Variants in SLC5A2 observed in about 807,000 individuals in gnomAD.
The protein encoded by SLC5A2 is solute carrier family 5 member 2, also known as sodium/glucose cotransporter 2.
Under a neutral mutation model 69.0 loss-of-function variants are expected in SLC5A2, and 67 were observed. The observed-to-expected ratio is 0.97, with a 90% CI of 0.80 to 1.19. The LOEUF (loss-of-function observed/expected upper bound fraction) is 1.19, where lower values mean the gene tolerates loss of function less well. SLC5A2 is among the 50% of genes most tolerant of loss of function. SLC5A2 has a pLI of 0.00. For missense variants in SLC5A2, 1,001 were observed against 921.5 expected, an observed-to-expected ratio of 1.09 and a Z score of -1.12; for synonymous variants, 455 against 395.8, an observed-to-expected ratio of 1.15 and a Z score of -1.78.
Position 31,488,033 on chromosome 16 carries a change from C to A in SLC5A2, c.886-5C>A. On this transcript the variant is annotated splice_region_variant and splice_polypyrimidine_tract_variant and intron_variant, in intron 7 of 13. Coordinates refer to ENST00000330498, the MANE Select transcript of SLC5A2 (RefSeq NM_003041.4). ...CAAGCGGGCAGCTGAACGCCCCTCCCGTAGGTCATCGTGCAGCGCTGCCTG... is the reference window on the plus strand; with the variant it reads ...CAAGCGGGCAGCTGAACGCCCCTCCAGTAGGTCATCGTGCAGCGCTGCCTG... The A allele has an allele frequency of 6.2e-7, 1 of 1,613,170 alleles. No homozygotes were observed.
At chr16:31,486,716 A>T (rs949365910) in intron 5 of SLC5A2, among the ~76,000 whole-genome samples, 1 of 152,230 alleles carries the variant, frequency 6.6e-6, no homozygotes, top group Non-Finnish European at 1.5e-5. Flanking sequence ...AACTGAGTAT[A>T]GGACCTTAGA....
At position 31,490,691 on chromosome 16, in the gene SLC5A2, T is replaced by A. The variant is rs1343115294; in HGVS notation, c.*156T>A. 2.2e-5 allele frequency: 24 copies of A among 1,112,762 alleles called. 1 individual carries two copies. The highest frequency in any genetic ancestry group is 3.9e-4 in the Middle Eastern group (2 of 5,078). The allele number at this position is 1,112,762 out of a possible 1,614,324, so 68.9% of individuals were successfully genotyped here. A position where few individuals can be genotyped will look rare whatever the true frequency, so the allele number is the denominator to read the frequency against. On this transcript the variant is annotated 3_prime_UTR_variant, in exon 14 of 14. Coordinates refer to ENST00000330498, the MANE Select transcript of SLC5A2 (RefSeq NM_003041.4). ...TCTGCCTGGGGCCCACTGCATCTGA[T>A]TGGCAGTCACTTCCCATGAGGGCCT...
intron 5 of SLC5A2, among the ~76,000 whole-genome samples, chr16:31,486,830 C>G (rs544927523): frequency 6.6e-6 from 1 of 152,100 alleles, no homozygotes; most frequent in Non-Finnish European, 1.5e-5. Context: ...GCGGATCACG[C>G]GGTCAGGAGT....
intron 1 of SLC5A2, among the ~76,000 whole-genome samples, chr16:31,484,103 G>A (rs2082475827): frequency 6.6e-6 from 1 of 151,774 alleles, no homozygotes; most frequent in Admixed American, 6.6e-5. Flanking sequence ...AAGAAAGACA[G>A]ATGTGGGGCT....
At chr16:31,486,098 G>A (rs2082493277) in intron 4 of SLC5A2, 72 bp from the exon 5 acceptor site, 3 of 1,287,406 alleles carry the variant, frequency 2.3e-6, no homozygotes, top group South Asian at 2.4e-5. Context: ...GGCTAGTAGG[G>A]CATGGCCTGG....
Position 31,487,415 on chromosome 16 carries a change from A to C in SLC5A2, c.655+15A>C. On this transcript the variant is annotated intron_variant, in intron 6 of 13. Transcript: ENST00000330498. ...CATGGGTTACGGTAGGGGCTCGCCT[A>C]CCAGGGAGGGGCGCGGAGGGCATGG... 3 of 1,613,158 alleles carry C rather than the reference A, an allele frequency of 1.9e-6. No homozygotes were observed. The highest frequency in any genetic ancestry group is 2.5e-6 in the Non-Finnish European group (3 of 1,179,752).
rs1162584979 is a variant in SLC5A2, at chr16:31,485,953, T to C, written c.468+60T>C. The C allele has an allele frequency of 8.2e-6, 13 of 1,576,896 alleles. No individual in the cohort carries two copies. In the South Asian group the frequency reaches 1.0e-4, roughly 12 times the overall value. Reference sequence around the variant, plus strand: ...AAGGGTGGGGCTCAAGTGGGGTCTCTAGAGAACCCTAGAGGGCGTGAGACC... The same window carrying C: ...AAGGGTGGGGCTCAAGTGGGGTCTCCAGAGAACCCTAGAGGGCGTGAGACC... On this transcript the variant is annotated intron_variant, in intron 4 of 13. Transcript: ENST00000330498.
intron 9 of SLC5A2, 30 bp downstream of exon 9, chr16:31,488,520 G>A (rs1490021312): frequency 1.2e-6 from 2 of 1,601,654 alleles, no homozygotes; most frequent in South Asian, 1.1e-5. Context: ...ACAGGCGCAA[G>A]CTCGCTGCGG....
At chr16:31,489,411 T>C in intron 12 of SLC5A2, 73 bp downstream of exon 12, 1 of 1,361,936 alleles carries the variant, frequency 7.3e-7, no homozygotes, top group Non-Finnish European at 1.0e-6. Context: ...AGTGCCCAGC[T>C]GGGAGGACCT....
In SLC5A2 at chr16:31,490,456, C is replaced by T. The variant is rs756916093; in HGVS notation, c.1940C>T (p.Pro647Leu). 4.0e-5 allele frequency: 64 copies of T among 1,613,884 alleles called. No individual in the cohort carries two copies. The highest frequency in any genetic ancestry group is 3.3e-4 in the Admixed American group (20 of 59,994). ...CGGCTGGAGGACATCAGCGAGGACC[C>T]GAGCTGGGCCCGTGTGGTCAACCTC... Reference protein sequence around the residue: ...ARRLEDISEDPSWARVVNLNA... With the variant: ...ARRLEDISEDLSWARVVNLNA... The change falls in exon 14 of 14, where the codon CCG becomes CTG. Residue 647 changes from proline to leucine, a missense_variant. Transcript: ENST00000330498.
chr16:31,488,992 C>T lies in SLC5A2; in HGVS notation c.1393C>T (p.Pro465Ser), dbSNP rs908318967. 6.2e-7 allele frequency: 1 copy of T among 1,600,628 alleles called. No individual in the cohort carries two copies. Among genetic ancestry groups the T allele is most frequent in the African/African-American group, 1.3e-5 (1 of 74,932 alleles). Residue 465 changes from proline to serine, a missense_variant, in exon 11 of 14, where the codon CCG (proline) becomes TCG (serine). By Grantham distance (74) the Pro-to-Ser change is moderately conservative. Transcript: ENST00000330498. ...CCAGGCAGTCTCTAGCTACCTGGCA[C>T]CGCCCGTGTCCGCCGTCTTCGTGCT... ...YIQAVSSYLA[P>S]PVSAVFVLAL...
At chr16:31,487,509 C>T (rs1387432279) in intron 6 of SLC5A2, 21 bp from the exon 7 acceptor site, 2 of 1,613,056 alleles carry the variant, frequency 1.2e-6, no homozygotes. Context: ...AGGAGGGTCC[C>T]CTGACGGCCT....
At chr16:31,486,690 C>T (rs994817669) in intron 5 of SLC5A2, among the ~76,000 whole-genome samples, 1 of 152,194 alleles carries the variant, frequency 6.6e-6, no homozygotes, top group Non-Finnish European at 1.5e-5. Flanking sequence ...GAGGGACCCA[C>T]CTCCAGAAGG....
chr16:31,484,786 C>A lies in SLC5A2; in HGVS notation c.199-33C>A, dbSNP rs200562223. 2.0e-5 allele frequency: 33 copies of A among 1,611,266 alleles called. No homozygotes were observed. The African/African-American group carries it at 3.7e-4, about 18-fold the overall frequency. ...CGGGAACGGGAGGGGCCTGGAGAAG[C>A]AGCCCTGCTCACTCCCTCCTCTGGC... is the stretch of plus-strand genomic sequence containing the variant. On this transcript the variant is annotated intron_variant, in intron 2 of 13. Coordinates refer to ENST00000330498, the MANE Select transcript of SLC5A2 (RefSeq NM_003041.4).
intron 1 of SLC5A2, 111 bp downstream of exon 1, chr16:31,483,373 A>C (rs1596616346): frequency 2.1e-6 from 3 of 1,396,004 alleles, no homozygotes; most frequent in Non-Finnish European, 3.0e-6. Context: ...TGAAGGAGAA[A>C]CCTAGGCCTG....
At chr16:31,486,118 G>T (rs1165375209) in intron 4 of SLC5A2, 52 bp from the exon 5 acceptor site, 2 of 1,409,724 alleles carry the variant, frequency 1.4e-6, no homozygotes, top group Non-Finnish European at 1.0e-6. Context: ...GGCAGGAGGT[G>T]GGCTGGGGAC....
At chr16:31,485,333 T>G in intron 3 of SLC5A2, 1 of 437,520 alleles carries the variant, frequency 2.3e-6, no homozygotes, top group Non-Finnish European at 4.2e-6. Context: ...AGGCTCCTGT[T>G]GGAGGGGAGA....
Position 31,484,657 on chromosome 16 carries a change from C to A in SLC5A2, c.127-16C>A, listed in dbSNP as rs398122801. 4 of 1,604,906 alleles carry A rather than the reference C, an allele frequency of 2.5e-6. No individual in the cohort carries two copies. In the East Asian group the frequency reaches 6.7e-5, roughly 27 times the overall value. ...CTGTGCCCTAAACCCAGGTCTCCCC[C>A]GCCTCTGTCTCCCAGTCCATGTGCA... On this transcript the variant is annotated splice_polypyrimidine_tract_variant and intron_variant, in intron 1 of 13. Coordinates refer to ENST00000330498, the MANE Select transcript of SLC5A2 (RefSeq NM_003041.4).
At chr16:31,485,009 A>G in intron 3 of SLC5A2, 86 bp downstream of exon 3, 1 of 1,227,504 alleles carries the variant, frequency 8.1e-7, no homozygotes, top group East Asian at 2.5e-5. Flanking sequence ...GGAAAGGGGG[A>G]ATGAGACTGG....
Sources: gnomAD v4.1 joint callset for allele counts (sites outside exome capture counted in the v4.1 genomes callset) on GRCh38, gnomAD v4.1.1 for gene constraint, MANE v1.5 for transcripts, NCBI Gene and HGNC (gene_info 2026-07-23, HGNC 2026-07-21) for gene names.